The following THSD7B variants were observed in gnomAD, a reference collection of about 807,000 sequenced individuals.
The protein encoded by THSD7B is thrombospondin type 1 domain containing 7B.
A neutral mutation model predicts 213.6 loss-of-function variants in THSD7B; 138 were observed. That is an observed-to-expected ratio of 0.65 (90% CI 0.56 to 0.74). THSD7B has a LOEUF of 0.74. Among genes scored for constraint, THSD7B ranks in the 30% least tolerant of loss-of-function variants. The pLI is 0.00. For missense variants in THSD7B, 1,931 were observed against 1,991.5 expected (o/e 0.97, Z 0.58); for synonymous variants, 742 against 687.0 (o/e 1.08, Z -1.25).
At chr2:137,369,326 G>C (rs1006373358) in intron 12 of THSD7B, among the ~76,000 whole-genome samples, 1 of 152,128 alleles carries the variant, frequency 6.6e-6, no homozygotes, top group Non-Finnish European at 1.5e-5. Context: ...GCTGTCAGCA[G>C]TCTTTCAAAT....
intron 14 of THSD7B, among the ~76,000 whole-genome samples, chr2:137,430,592 C>A (rs1380434617): frequency 6.6e-6 from 1 of 152,250 alleles, no homozygotes; most frequent in African/African-American, 2.4e-5. Context: ...CCCTAACTTA[C>A]CTTTCTCTCT....
At chr2:137,555,572 A>G (rs1558837635) in intron 15 of THSD7B, among the ~76,000 whole-genome samples, 2 of 152,230 alleles carry the variant, frequency 1.3e-5, no homozygotes, top group Non-Finnish European at 2.9e-5. Context: ...CCAAAGGTAG[A>G]TAAAACCACC....
At chr2:137,388,433 T>C (rs1182643381) in intron 12 of THSD7B, among the ~76,000 whole-genome samples, 2 of 152,150 alleles carry the variant, frequency 1.3e-5, no homozygotes, top group Non-Finnish European at 2.9e-5. Flanking sequence ...GTACCTATGA[T>C]ACTTTGTTTT....
chr2:137,196,931 C>T (rs1455482380), intron 7 of THSD7B, among the ~76,000 whole-genome samples: 1 of 152,178 alleles, frequency 6.6e-6, no homozygotes, highest in East Asian at 1.9e-4. Context: ...GGCTAATGCA[C>T]AGCGGGCTCC....
At chr2:137,627,868 G>T (rs550860327) in intron 20 of THSD7B, among the ~76,000 whole-genome samples, 1 of 152,348 alleles carries the variant, frequency 6.6e-6, no homozygotes, top group Non-Finnish European at 1.5e-5. Flanking sequence ...AGATTTCAGT[G>T]ATTAACCAAT....
At chr2:137,183,539 A>G (rs1680494735) in intron 7 of THSD7B, among the ~76,000 whole-genome samples, 1 of 152,168 alleles carries the variant, frequency 6.6e-6, no homozygotes, top group Non-Finnish European at 1.5e-5. Context: ...CATAGCCCAC[A>G]TTATAGTCTG....
chr2:137,322,830 G>A (rs948083198), intron 12 of THSD7B, among the ~76,000 whole-genome samples: 1 of 152,108 alleles, frequency 6.6e-6, no homozygotes, highest in Non-Finnish European at 1.5e-5. Context: ...TTGTCATAGA[G>A]CCTCACCTTG....
At chr2:137,291,078 A>T (rs1265199889) in intron 12 of THSD7B, among the ~76,000 whole-genome samples, 2 of 152,036 alleles carry the variant, frequency 1.3e-5, no homozygotes, top group Admixed American at 6.6e-5. Context: ...TTATGTCTCT[A>T]ACTGCTCTCT....
chr2:137,461,327 G>A (rs752487845), intron 15 of THSD7B, among the ~76,000 whole-genome samples: 9 of 152,032 alleles, frequency 5.9e-5, no homozygotes, highest in Non-Finnish European at 1.0e-4. Context: ...ACAGGTCTTC[G>A]TAAATACAGA....
At chr2:137,025,189 A>G (rs987816738) in intron 2 of THSD7B, among the ~76,000 whole-genome samples, 1 of 152,130 alleles carries the variant, frequency 6.6e-6, no homozygotes, top group Admixed American at 6.5e-5. Flanking sequence ...CTTTTTTCTC[A>G]CTATGCCTCC....
At chr2:137,080,225 GA>G (rs1157401548) in intron 3 of THSD7B, among the ~76,000 whole-genome samples, 2 of 151,730 alleles carry the variant, frequency 1.3e-5, no homozygotes, top group Non-Finnish European at 2.9e-5. Flanking sequence ...TTTTGAGACA[GA>G]GTCTCACTTC....
Position 137,575,738 on chromosome 2 carries a change from A to ATG in THSD7B, c.3423+3183_3423+3184insGT, listed in dbSNP as rs1558845578. ...TCCCATAACACACATATATATATAT[A>ATG]TATATTTTTACTTTAACATGCTTAC... On this transcript the variant is annotated intron_variant, in intron 17 of 27. Transcript: ENST00000409968. Among the ~76,000 whole-genome samples, 382 of 150,166 alleles carry ATG rather than the reference A, an allele frequency of 2.5e-3. 6 individuals are homozygous for ATG. The highest frequency in any genetic ancestry group is 8.6e-3 in the African/African-American group (356 of 41,280).
intron 1 of THSD7B, among the ~76,000 whole-genome samples, chr2:136,778,794 A>T (rs1178241682): frequency 1.3e-5 from 2 of 152,202 alleles, no homozygotes; most frequent in African/African-American, 4.8e-5. Flanking sequence ...CAGTCTTTTT[A>T]AAAGAGAAGA....
chr2:137,581,781 AAAAATAATAAT>A (rs1681584345), intron 17 of THSD7B, among the ~76,000 whole-genome samples: 1 of 145,862 alleles, frequency 6.9e-6, no homozygotes, highest in Non-Finnish European at 1.5e-5. Context: ...TAAAAAAAAA[AAAAATAATAAT>A]AAATAATAAT....
intron 14 of THSD7B, among the ~76,000 whole-genome samples, chr2:137,440,452 C>T (rs556381649): frequency 1.2e-4 from 18 of 149,350 alleles, no homozygotes; most frequent in African/African-American, 3.6e-4. Context: ...TAACCATAGC[C>T]TCACCTTACC....
chr2:137,026,754 A>G (rs1382999872), intron 2 of THSD7B, among the ~76,000 whole-genome samples: 4 of 152,116 alleles, frequency 2.6e-5, no homozygotes, highest in Non-Finnish European at 5.9e-5. Context: ...GTTTTAGCCA[A>G]GTCTATTTGT....
At chr2:136,916,172 A>C (rs1425237466) in intron 2 of THSD7B, among the ~76,000 whole-genome samples, 1 of 152,174 alleles carries the variant, frequency 6.6e-6, no homozygotes, top group Admixed American at 6.5e-5. Context: ...CACACACACA[A>C]AAAATGCTGA....
chr2:137,255,848 C>A (rs530225928), intron 10 of THSD7B, among the ~76,000 whole-genome samples: 1 of 152,050 alleles, frequency 6.6e-6, no homozygotes, highest in Non-Finnish European at 1.5e-5. Context: ...CGTGCCACCA[C>A]GCCTGATTAT....
intron 2 of THSD7B, among the ~76,000 whole-genome samples, chr2:136,962,403 C>CTTTA (rs1685235261): frequency 1.0e-5 from 1 of 100,180 alleles, no homozygotes; most frequent in Non-Finnish European, 1.9e-5. Context: ...AATCTGTTAT[C>CTTTA]TTTTTTTTTT....
Sources: allele counts gnomAD v4.1 joint callset (sites outside exome capture counted in the v4.1 genomes callset), GRCh38; gene constraint gnomAD v4.1.1; transcripts MANE v1.5; gene names NCBI Gene and HGNC (gene_info 2026-07-23, HGNC 2026-07-21).